Variants in BBOF1 observed in about 807,000 individuals in gnomAD.
BBOF1 encodes basal body orientation factor 1, also known as basal body-orientation factor 1.
Under a neutral mutation model 68.0 loss-of-function variants are expected in BBOF1, and 62 were observed. That is an observed-to-expected ratio of 0.91 (90% confidence interval 0.74 to 1.13). The LOEUF (loss-of-function observed/expected upper bound fraction) is 1.13, where lower values mean the gene tolerates loss of function less well. Among genes scored for constraint, BBOF1 ranks in the 50% most tolerant of loss-of-function variants. The pLI is 0.00. For synonymous variants in BBOF1, 208 were observed against 198.8 expected, an observed-to-expected ratio of 1.05 and a Z score of -0.39; for missense variants, 534 against 600.1, an observed-to-expected ratio of 0.89 and a Z score of 1.15.
intron 9 of BBOF1, chr14:74,072,614 GAAA>G: frequency 4.4e-6 from 7 of 1,581,358 alleles, no homozygotes; most frequent in Non-Finnish European, 6.0e-6. Flanking sequence ...ACAGTTGGCT[GAAA>G]AAAACAAACA....
intron 5 of BBOF1, among the ~76,000 whole-genome samples, chr14:74,045,033 C>T (rs1032662975): frequency 6.6e-6 from 1 of 152,138 alleles, no homozygotes; most frequent in Non-Finnish European, 1.5e-5. Flanking sequence ...CAGGCCCGGC[C>T]AACCTTTCTG....
At position 74,078,663 on chromosome 14, in the gene BBOF1, G is replaced by A. The variant is rs185948042; in HGVS notation, n.1536+311G>A. On this transcript the variant is annotated intron_variant and non_coding_transcript_variant, in intron 10 of 12. Transcript: ENST00000492026. The stretch of plus-strand genomic sequence containing the variant: ...CTGCCTCAGCTTTCTGAGTAGCTGG[G>A]ATTACAGGCATGTGCCACCACATCC... Among the ~76,000 whole-genome samples, 288 of 152,182 alleles carry A rather than the reference G, an allele frequency of 1.9e-3. 2 individuals carry two copies. Among genetic ancestry groups the A allele is most frequent in the Middle Eastern group, 3.4e-3 (1 of 294 alleles).
intron 5 of BBOF1, among the ~76,000 whole-genome samples, chr14:74,043,734 T>C (rs1373030687): frequency 6.7e-6 from 1 of 148,190 alleles, no homozygotes; most frequent in Non-Finnish European, 1.5e-5. Flanking sequence ...GGTTTCACCA[T>C]GTTGACCAGG....
At chr14:74,053,235 C>G (rs1053698499) in intron 8 of BBOF1, among the ~76,000 whole-genome samples, 1 of 151,740 alleles carries the variant, frequency 6.6e-6, no homozygotes, top group African/African-American at 2.4e-5. Context: ...GCCTCAGCCT[C>G]CCAAGTAGCT....
At chr14:74,064,606 T>C (rs1409963382) in intron 11 of BBOF1, 82 bp from the exon 12 acceptor site, 7 of 1,386,970 alleles carry the variant, frequency 5.0e-6, no homozygotes. Context: ...CCCCATGCTC[T>C]TTCCTCAAAA....
chr14:74,070,468 G>A (rs900567513), downstream of BBOF1, among the ~76,000 whole-genome samples: 9 of 152,042 alleles, frequency 5.9e-5, no homozygotes, highest in Non-Finnish European at 8.8e-5. Flanking sequence ...AGAGTGAGCC[G>A]AGATCGCACC....
At chr14:74,077,279 C>T (rs1240038259) in intron 9 of BBOF1, among the ~76,000 whole-genome samples, 1 of 152,150 alleles carries the variant, frequency 6.6e-6, no homozygotes, top group East Asian at 1.9e-4. Context: ...TTAAGAGGCC[C>T]TTTTTTGTCC....
chr14:74,026,236 G>A (rs1018674893), intron 2 of BBOF1, among the ~76,000 whole-genome samples: 7 of 151,702 alleles, frequency 4.6e-5, no homozygotes, highest in Admixed American at 3.9e-4. Flanking sequence ...GAGGTCAGCA[G>A]TTTGAGACCA....
chr14:74,066,373 A>G (rs945769900), downstream of BBOF1, among the ~76,000 whole-genome samples: 5 of 152,222 alleles, frequency 3.3e-5, no homozygotes, highest in African/African-American at 4.8e-5. Flanking sequence ...GTGTCCATAA[A>G]TAACATTTTT....
At chr14:74,033,268 A>G (rs116561623) in intron 3 of BBOF1, among the ~76,000 whole-genome samples, 2,043 of 152,228 alleles carry the variant, frequency 0.013, 47 homozygotes, top group African/African-American at 0.045. Context: ...TGAAAACTTT[A>G]TGCAAAAATA....
chr14:74,065,183 G>A lies in BBOF1; in HGVS notation c.*484G>A. 1 of 1,614,114 alleles carries A rather than the reference G, an allele frequency of 6.2e-7. No individual in the cohort carries two copies. Among genetic ancestry groups the A allele is most frequent in the Non-Finnish European group, 8.5e-7 (1 of 1,180,002 alleles). On this transcript the variant is annotated 3_prime_UTR_variant, in exon 12 of 12. Coordinates refer to ENST00000394009, the MANE Select transcript of BBOF1 (RefSeq NM_025057.3). Reference sequence around the variant, plus strand: ...TCTTAAAAATTCTGTTCACGAACCTGTCCAACATCCACCAAGTGGGCATAT... The same window carrying A: ...TCTTAAAAATTCTGTTCACGAACCTATCCAACATCCACCAAGTGGGCATAT...
chr14:74,071,498 C>G (rs1159551651), intron 9 of BBOF1: 1 of 1,613,800 alleles, frequency 6.2e-7, no homozygotes, highest in South Asian at 1.1e-5. Flanking sequence ...TCAACCACCT[C>G]TGGAACACAG....
intron 10 of BBOF1, chr14:74,080,962 C>T (rs2060662888): frequency 6.6e-6 from 1 of 152,278 alleles, no homozygotes; most frequent in Non-Finnish European, 1.5e-5. Flanking sequence ...TCTCTATGCT[C>T]CTGCAATTTA....
chr14:74,031,358 C>G (rs1481180443), intron 3 of BBOF1, among the ~76,000 whole-genome samples: 4 of 152,170 alleles, frequency 2.6e-5, no homozygotes, highest in South Asian at 4.1e-4. Flanking sequence ...AGCGATCCTT[C>G]CAGCTTGGCC....
Position 74,040,619 on chromosome 14 carries a change from C to A in BBOF1, c.550C>A (p.Leu184Met). 6.3e-7 allele frequency: 1 copy of A among 1,591,252 alleles called. No homozygotes were observed. Among genetic ancestry groups the A allele is most frequent in the Non-Finnish European group, 8.5e-7 (1 of 1,170,796 alleles). The change falls in exon 5 of 12, where the codon CTG becomes ATG. Residue 184 changes from leucine to methionine, a missense_variant. Physicochemically the swap from Leu to Met is conservative, Grantham distance 15. Coordinates refer to ENST00000394009, the MANE Select transcript of BBOF1 (RefSeq NM_025057.3). Reference protein sequence around the residue: ...ERIHQETLRRLESRFFEEKHR... With the variant: ...ERIHQETLRRMESRFFEEKHR... ...GATACATCAGGAGACTCTTAGAAGA[C>A]TGGAAAGCAGATTTTTTGAAGAAAA...
At chr14:74,075,555 G>A (rs2060603379) in intron 9 of BBOF1, among the ~76,000 whole-genome samples, 1 of 152,022 alleles carries the variant, frequency 6.6e-6, no homozygotes, top group African/African-American at 2.4e-5. Flanking sequence ...TACTAGGGAG[G>A]CCAAGGTGGG....
In BBOF1 at chr14:74,071,493, C is replaced by T. The variant is rs201358627; in HGVS notation, n.1380-6703C>T. On this transcript the variant is annotated intron_variant and non_coding_transcript_variant, in intron 9 of 12. Coordinates refer to the BBOF1 transcript ENST00000492026. ...ATGTCACACTACAGGCATGCTCAACCACCTCTGGAACACAGAAGTCAGGCC... is the reference window on the plus strand; with the variant it reads ...ATGTCACACTACAGGCATGCTCAACTACCTCTGGAACACAGAAGTCAGGCC... 4.8e-4 allele frequency: 781 copies of T among 1,613,830 alleles called. 3 individuals are homozygous for T. Among genetic ancestry groups the T allele is most frequent in the Non-Finnish European group, 4.1e-5 (48 of 1,180,030 alleles).
intron 1 of BBOF1, 97 bp from the exon 2 acceptor site, chr14:74,022,816 AAAG>A (rs1285950908): frequency 2.0e-6 from 1 of 496,780 alleles, no homozygotes; most frequent in Non-Finnish European, 3.3e-6. Flanking sequence ...ACAAATAAAA[AAAG>A]AGAAAAATTT....
intron 3 of BBOF1, 133 bp downstream of exon 3, chr14:74,029,382 A>T: frequency 1.8e-6 from 1 of 565,710 alleles, no homozygotes; most frequent in Non-Finnish European, 3.2e-6. Flanking sequence ...GCTTGATTGT[A>T]TAGAAATTCA....
Sources: allele counts gnomAD v4.1 joint callset (sites outside exome capture counted in the v4.1 genomes callset), GRCh38; gene constraint gnomAD v4.1.1; transcripts MANE v1.5; gene names NCBI Gene and HGNC (gene_info 2026-07-23, HGNC 2026-07-21).